The following PEAK1 variants were observed in gnomAD, a reference collection of about 807,000 sequenced individuals.
PEAK1 encodes pseudopodium enriched atypical kinase 1.
PEAK1 carries 54 observed loss-of-function variants against 124.7 expected under a neutral mutation model. The ratio of observed to expected loss-of-function variants is 0.43; its 90% CI spans 0.35 to 0.54. The LOEUF (loss-of-function observed/expected upper bound fraction) is 0.54. Among genes scored for constraint, PEAK1 ranks in the 20% least tolerant of loss-of-function variants. The pLI is 0.01. For missense variants in PEAK1, 2,046 were observed against 2,134.5 expected (o/e 0.96, Z 0.82); for synonymous variants, 719 against 760.0 (o/e 0.95, Z 0.89).
chr15:77,154,419 T>C (rs993951076), intron 8 of PEAK1, among the ~76,000 whole-genome samples: 7 of 152,346 alleles, frequency 4.6e-5, no homozygotes, highest in African/African-American at 1.7e-4. Context: ...AGCACACTGA[T>C]GGGTCTTGAC....
At chr15:77,362,133 A>T (rs920599142) in intron 2 of PEAK1, among the ~76,000 whole-genome samples, 5 of 152,202 alleles carry the variant, frequency 3.3e-5, no homozygotes, top group African/African-American at 7.2e-5. Flanking sequence ...GTTAACAGTA[A>T]TATGTAGTTT....
At chr15:77,313,680 GTGTGTGTGTGTGTA>G (rs2064647619) in intron 2 of PEAK1, among the ~76,000 whole-genome samples, 1 of 117,840 alleles carries the variant, frequency 8.5e-6, no homozygotes, top group Non-Finnish European at 1.7e-5. Flanking sequence ...GTGTGTGTGT[GTGTGTGTGTGTGTA>G]TATATATATA....
chr15:77,223,364 T>C (rs1421294954), intron 6 of PEAK1, among the ~76,000 whole-genome samples: 2 of 152,028 alleles, frequency 1.3e-5, no homozygotes, highest in East Asian at 3.8e-4. Flanking sequence ...AGCACATGTT[T>C]AGTAGAGTTT....
intron 1 of PEAK1, among the ~76,000 whole-genome samples, chr15:77,405,137 C>T (rs902326526): frequency 4.6e-5 from 7 of 151,978 alleles, no homozygotes; most frequent in Admixed American, 2.6e-4. Context: ...TCCTAGGTAG[C>T]TGGGACTACA....
chr15:77,389,233 G>C (rs1165663272), intron 1 of PEAK1, among the ~76,000 whole-genome samples: 1 of 152,066 alleles, frequency 6.6e-6, no homozygotes, highest in Non-Finnish European at 1.5e-5. Context: ...GGGATTACAG[G>C]CATGAGCCAC....
intron 1 of PEAK1, among the ~76,000 whole-genome samples, chr15:77,388,806 CA>C (rs5813864): frequency 5.9e-4 from 84 of 142,760 alleles, no homozygotes; most frequent in Admixed American, 9.0e-4. Flanking sequence ...CTTCACACTA[CA>C]AAAAAAAAAA....
intron 1 of PEAK1, among the ~76,000 whole-genome samples, chr15:77,389,015 T>G (rs1435707137): frequency 6.7e-6 from 1 of 149,684 alleles, no homozygotes; most frequent in East Asian, 2.0e-4. Context: ...CAGGCTGGAG[T>G]GCAATGGTGC....
chr15:77,263,775 T>C (rs2061566360), intron 5 of PEAK1, among the ~76,000 whole-genome samples: 1 of 152,150 alleles, frequency 6.6e-6, no homozygotes, highest in Non-Finnish European at 1.5e-5. Context: ...ATCATCCTGA[T>C]ACCAAAGCCT....
intron 2 of PEAK1, among the ~76,000 whole-genome samples, chr15:77,316,175 G>T (rs2064859186): frequency 6.6e-6 from 1 of 151,938 alleles, no homozygotes; most frequent in Non-Finnish European, 1.5e-5. Context: ...TATCAGTTTT[G>T]TTTTTCTTTA....
intron 1 of PEAK1, among the ~76,000 whole-genome samples, chr15:77,374,640 C>T (rs1172307000): frequency 6.6e-6 from 1 of 152,038 alleles, no homozygotes; most frequent in African/African-American, 2.4e-5. Context: ...CTGGTAAATA[C>T]TTTAAATATC....
chr15:77,359,560 A>C (rs2067749248), intron 2 of PEAK1, among the ~76,000 whole-genome samples: 1 of 152,164 alleles, frequency 6.6e-6, no homozygotes, highest in Admixed American at 6.5e-5. Context: ...AAAAAGCCCT[A>C]AGTAATCTAT....
intron 6 of PEAK1, among the ~76,000 whole-genome samples, chr15:77,197,037 G>A (rs1207157503): frequency 1.4e-5 from 2 of 142,702 alleles, no homozygotes; most frequent in Non-Finnish European, 3.1e-5. Context: ...TTTTTTTTAA[G>A]ATACAGGGTT....
intron 6 of PEAK1, among the ~76,000 whole-genome samples, chr15:77,189,968 T>A (rs943749242): frequency 6.6e-6 from 1 of 151,882 alleles, no homozygotes; most frequent in Non-Finnish European, 1.5e-5. Flanking sequence ...AAAAGGAAAT[T>A]GGGAAGGAAG....
intron 1 of PEAK1, chr15:77,404,592 TG>T: frequency 1.1e-6 from 1 of 880,342 alleles, no homozygotes; most frequent in Non-Finnish European, 1.4e-6. Flanking sequence ...ACTACATATG[TG>T]GTTTGCACTA....
chr15:77,392,902 A>C (rs547649749), intron 1 of PEAK1, among the ~76,000 whole-genome samples: 1 of 152,312 alleles, frequency 6.6e-6, no homozygotes, highest in South Asian at 2.1e-4. Context: ...AATTGCCGAC[A>C]CCATCCCCTC....
chr15:77,407,896 T>TATATACACATATATATACACATATATAC (rs1567364050), intron 1 of PEAK1, among the ~76,000 whole-genome samples: 1 of 147,158 alleles, frequency 6.8e-6, no homozygotes, highest in Non-Finnish European at 1.5e-5. Flanking sequence ...TATATATATA[T>TATATACACATATATATACACATATATAC]ATATACACAT....
intron 2 of PEAK1, among the ~76,000 whole-genome samples, chr15:77,299,527 A>T (rs562508088): frequency 1.3e-5 from 2 of 152,222 alleles, no homozygotes; most frequent in Non-Finnish European, 2.9e-5. Flanking sequence ...TAGCAAAGGC[A>T]TCCAATAGGG....
intron 5 of PEAK1, chr15:77,278,392 A>T (rs182740506): frequency 3.5e-5 from 11 of 313,182 alleles, no homozygotes; most frequent in Non-Finnish European, 6.2e-5. Flanking sequence ...TGTAAAGAAG[A>T]AGCAGGGAGA....
At chr15:77,228,948 G>T (rs916509081) in intron 6 of PEAK1, among the ~76,000 whole-genome samples, 1 of 152,098 alleles carries the variant, frequency 6.6e-6, no homozygotes, top group Non-Finnish European at 1.5e-5. Context: ...TTCTGCCATA[G>T]GGGACTCTTT....
Sources: allele counts gnomAD v4.1 joint callset (sites outside exome capture counted in the v4.1 genomes callset), GRCh38; gene constraint gnomAD v4.1.1; transcripts MANE v1.5; gene names NCBI Gene and HGNC (gene_info 2026-07-23, HGNC 2026-07-21).